Variants in PTPRN2 observed in about 807,000 individuals in gnomAD.
PTPRN2 encodes the protein protein tyrosine phosphatase receptor type N2.
In PTPRN2, 74 loss-of-function variants were observed where a neutral mutation model predicts 118.8. The ratio of observed to expected loss-of-function variants is 0.62; its 90% CI spans 0.52 to 0.76. The LOEUF is 0.76. Ranked by LOEUF, PTPRN2 falls within the 30% of genes least tolerant of loss-of-function variation. The pLI, the probability that PTPRN2 is intolerant of heterozygous loss-of-function variation, is 0.00. For missense variants in PTPRN2, 1,481 were observed against 1,394.4 expected (o/e 1.06, Z -0.99); for synonymous variants, 641 against 608.0 (o/e 1.05, Z -0.80).
chr7:157,991,238 C>T (rs973222501), intron 11 of PTPRN2, among the ~76,000 whole-genome samples: 2 of 152,214 alleles, frequency 1.3e-5, no homozygotes, highest in Non-Finnish European at 2.9e-5. Flanking sequence ...GAGTCGCAAT[C>T]CCATCCTCGG....
chr7:158,135,740 T>C (rs777454918), intron 8 of PTPRN2, among the ~76,000 whole-genome samples: 4 of 152,184 alleles, frequency 2.6e-5, no homozygotes, highest in Admixed American at 6.5e-5. Context: ...GGTCCCATCA[T>C]TTCTGATGGA....
chr7:158,078,465 G>C (rs1812547844), intron 11 of PTPRN2, among the ~76,000 whole-genome samples: 1 of 152,248 alleles, frequency 6.6e-6, no homozygotes, highest in African/African-American at 2.4e-5. Flanking sequence ...CAGGGCGTTT[G>C]TGATGACACT....
intron 9 of PTPRN2, among the ~76,000 whole-genome samples, chr7:158,123,514 G>T (rs958318660): frequency 2.0e-5 from 3 of 152,084 alleles, no homozygotes; most frequent in African/African-American, 7.2e-5. Flanking sequence ...TTGATGCTTT[G>T]TGCACCCAAA....
At chr7:158,371,928 C>T (rs1810026878) in intron 2 of PTPRN2, among the ~76,000 whole-genome samples, 1 of 152,258 alleles carries the variant, frequency 6.6e-6, no homozygotes, top group Admixed American at 6.5e-5. Flanking sequence ...GAACCTCACA[C>T]AGCTGGACGT....
rs1810865584 is a variant in PTPRN2, at chr7:157,868,625, G to A, written c.1788+30048C>T. The A allele has an allele frequency of 1.3e-5, 2 of 152,182 alleles. No homozygotes were observed. The highest frequency in any genetic ancestry group is 6.5e-5 in the Admixed American group (1 of 15,286). The allele number at this position is 152,182 out of a possible 1,614,324, so 9.4% of individuals were successfully genotyped here. On this transcript the variant is annotated intron_variant, in intron 12 of 22. Coordinates refer to ENST00000389418, the MANE Select transcript of PTPRN2 (RefSeq NM_002847.5). The surrounding 1 kb of genome is among the most constrained non-coding windows in gnomAD (Gnocchi z 5.2). ...CATTTCCCAGCCTGAGGACTGGCCG[G>A]GGAAATAACTCTGAGCCCTCGAGAT...
At chr7:158,189,328 G>C (rs1483578401) in intron 5 of PTPRN2, among the ~76,000 whole-genome samples, 1 of 152,156 alleles carries the variant, frequency 6.6e-6, no homozygotes, top group Non-Finnish European at 1.5e-5. Flanking sequence ...TTAGTGCCAG[G>C]GCTATTTAAT....
rs73729792 is a variant in PTPRN2 at position 158,391,072 on chromosome 7, C to T, written c.164-74140G>A. On this transcript the variant is annotated intron_variant, in intron 2 of 22. Coordinates refer to ENST00000389418, the MANE Select transcript of PTPRN2 (RefSeq NM_002847.5). ...TCCTAACTACAGACTAGATTTTCTT[C>T]CCTCTTGCGACGGTTGTAACGCAAC... is the stretch of plus-strand genomic sequence containing the variant. Among the ~76,000 whole-genome samples, 292 of 152,340 alleles carry T rather than the reference C, an allele frequency of 1.9e-3. 3 individuals are homozygous for T. The highest frequency in any genetic ancestry group is 6.7e-3 in the African/African-American group (280 of 41,578).
chr7:158,111,345 T>G (rs1816256678), intron 9 of PTPRN2, among the ~76,000 whole-genome samples: 1 of 152,060 alleles, frequency 6.6e-6, no homozygotes, highest in Admixed American at 6.5e-5. Flanking sequence ...AGTGTGAGCA[T>G]GGAAACCAGG....
rs529229783 is a variant in PTPRN2, at chr7:157,676,060, C to T, written c.2001+6665G>A. ...CCGAGCCATGGACCGTCCCTTGGAG[C>T]GCCACAGACTGCAGGGTTTGTCCTT... On this transcript the variant is annotated intron_variant, in intron 13 of 22. Coordinates refer to ENST00000389418, the MANE Select transcript of PTPRN2 (RefSeq NM_002847.5). This position sits in a 1 kb window ranked among gnomAD's most constrained non-coding sequence, Gnocchi z 5.6. Among the ~76,000 whole-genome samples, 12 of 152,082 alleles carry T rather than the reference C, an allele frequency of 7.9e-5. No individual in the cohort carries two copies. The highest frequency in any genetic ancestry group is 1.8e-4 in the Non-Finnish European group (12 of 68,012).
At chr7:157,739,418 C>T (rs11771515) in intron 12 of PTPRN2, 27,127 of 152,290 alleles carry the variant, frequency 0.18, 3,300 homozygotes, top group Non-Finnish European at 0.28. Flanking sequence ...GATGGGTTTG[C>T]GGCCCAGGGG....
intron 2 of PTPRN2, among the ~76,000 whole-genome samples, chr7:158,482,553 A>G (rs894588517): frequency 3.3e-5 from 5 of 152,292 alleles, no homozygotes; most frequent in Non-Finnish European, 7.4e-5. Flanking sequence ...AGGCCTGTAC[A>G]TTGTTTTTTA....
intron 11 of PTPRN2, among the ~76,000 whole-genome samples, chr7:157,950,737 G>A (rs1450911479): frequency 3.3e-5 from 5 of 152,168 alleles, no homozygotes; most frequent in East Asian, 1.9e-4. Context: ...CAAGGTCTGC[G>A]TGGAGTGAAA....
chr7:157,968,496 T>C (rs1253130805), intron 11 of PTPRN2, among the ~76,000 whole-genome samples: 2 of 152,006 alleles, frequency 1.3e-5, no homozygotes, highest in South Asian at 2.1e-4. Flanking sequence ...GGTCTCGGGG[T>C]TGTGTGAATG....
At chr7:158,272,246 C>T (rs113450793) in intron 3 of PTPRN2, among the ~76,000 whole-genome samples, 142 of 152,300 alleles carry the variant, frequency 9.3e-4, no homozygotes, top group African/African-American at 3.3e-3. Context: ...GTCTTGTCTT[C>T]GGAGAGCCGC....
At chr7:158,475,274 G>A (rs527605284) in intron 2 of PTPRN2, among the ~76,000 whole-genome samples, 1 of 142,346 alleles carries the variant, frequency 7.0e-6, no homozygotes, top group Admixed American at 6.7e-5. Context: ...CCTGTCTAGG[G>A]AGGCCCCGAA....
chr7:158,192,957 G>A (rs1400723057), intron 4 of PTPRN2, among the ~76,000 whole-genome samples: 1 of 152,210 alleles, frequency 6.6e-6, no homozygotes, highest in Non-Finnish European at 1.5e-5. Flanking sequence ...GAAAAGGCAG[G>A]AACCAGGTTC....
Position 158,318,617 on chromosome 7 carries a change from C to T in PTPRN2, c.164-1685G>A, listed in dbSNP as rs751730870. Among the ~76,000 whole-genome samples, 141 of 152,368 alleles carry T rather than the reference C, an allele frequency of 9.3e-4. 1 individual carries two copies. Among genetic ancestry groups the T allele is most frequent in the Admixed American group, 2.3e-3 (35 of 15,310 alleles). The stretch of plus-strand genomic sequence containing the variant: ...GCCAGGGAGGCTCAGAAGCCCAGGG[C>T]TCCACTCAGCCGCAGAGCCCGCGAG... On this transcript the variant is annotated intron_variant, in intron 2 of 22. Transcript: ENST00000389418.
chr7:158,164,528 GCGCGCA>G (rs1822745209), intron 6 of PTPRN2, among the ~76,000 whole-genome samples: 2 of 2,906 alleles, frequency 6.9e-4, no homozygotes, highest in Non-Finnish European at 1.1e-3. Flanking sequence ...CAGAGCGGGA[GCGCGCA>G]CGTAGGGAAG....
intron 12 of PTPRN2, among the ~76,000 whole-genome samples, chr7:157,804,200 C>G (rs866425642): frequency 1.3e-5 from 2 of 152,186 alleles, no homozygotes; most frequent in Non-Finnish European, 2.9e-5. Context: ...CCAATGCCCC[C>G]GCGAAGTCAT....
Sources: gnomAD v4.1 joint callset for allele counts (sites outside exome capture counted in the v4.1 genomes callset) on GRCh38, gnomAD v4.1.1 for gene constraint, Gnocchi (gnomAD v3.1) non-coding constraint, MANE v1.5 for transcripts, NCBI Gene and HGNC (gene_info 2026-07-23, HGNC 2026-07-21) for gene names.